TUBD1: variants seen among roughly 807,000 people sequenced by gnomAD.
TUBD1 encodes the protein tubulin delta chain.
A neutral mutation model predicts 51.2 loss-of-function variants in TUBD1; 38 were observed. The ratio of observed to expected loss-of-function variants is 0.74; its 90% CI spans 0.57 to 0.97. The LOEUF (loss-of-function observed/expected upper bound fraction) is 0.97, where lower values mean the gene tolerates loss of function less well. Ranked by LOEUF, TUBD1 falls within the 50% of genes least tolerant of loss-of-function variation. The pLI is 0.00. For synonymous variants in TUBD1, 169 were observed against 178.2 expected (o/e 0.95, Z 0.41); for missense variants, 489 against 538.4 (o/e 0.91, Z 0.91).
rs756379982 is a variant in TUBD1 at position 59,863,773 on chromosome 17, G to A, written c.1150C>T (p.Arg384Trp). 5 of 1,610,592 alleles carry A rather than the reference G, an allele frequency of 3.1e-6. No individual in the cohort carries two copies. The highest frequency in any genetic ancestry group is 1.1e-5 in the South Asian group (1 of 90,210). Reference protein sequence around the residue: ...VNAFNVWKTQRAFSKYEKSAV... With the variant: ...VNAFNVWKTQWAFSKYEKSAV... ...GACTTCTCATATTTGCTAAAGGCCC[G>A]CTGGGTTTTCCACACGTTGAAAGCA... The change falls in exon 8 of 9, where the codon CGG becomes TGG. Residue 384 changes from arginine to tryptophan, a missense_variant. Coordinates refer to ENST00000325752, the MANE Select transcript of TUBD1 (RefSeq NM_016261.4).
chr17:59,875,455 AAAGTT>A (rs1367422432), intron 5 of TUBD1, among the ~76,000 whole-genome samples: 1 of 152,000 alleles, frequency 6.6e-6, no homozygotes, highest in African/African-American at 2.4e-5. Flanking sequence ...TGTTAACATG[AAAGTT>A]AATATAAGCC....
intron 2 of TUBD1, among the ~76,000 whole-genome samples, chr17:59,889,294 G>A (rs1054134381): frequency 1.3e-5 from 2 of 151,206 alleles, no homozygotes; most frequent in African/African-American, 2.4e-5. Context: ...GATTATAGGC[G>A]TGAGCCACTG....
rs1175250972 is a variant in TUBD1 at position 59,881,369 on chromosome 17, G to A, written c.321-259C>T. Among the ~76,000 whole-genome samples the A allele has an allele frequency of 2.6e-5, 4 of 152,182 alleles. 1 individual carries two copies. Among genetic ancestry groups the A allele is most frequent in the Admixed American group, 1.3e-4 (2 of 15,256 alleles). On this transcript the variant is annotated intron_variant, in intron 3 of 8. Transcript: ENST00000325752. The stretch of plus-strand genomic sequence containing the variant: ...TTATATCCTATTGCTCAAGGTTATT[G>A]CTAAGGTCGGATTTTTCACTCATGC...
At chr17:59,881,575 T>C (rs1200170318) in intron 3 of TUBD1, among the ~76,000 whole-genome samples, 1 of 152,210 alleles carries the variant, frequency 6.6e-6, no homozygotes, top group East Asian at 1.9e-4. Flanking sequence ...TATTTGGATA[T>C]GTGTATACAT....
At chr17:59,871,204 A>G (rs958501430) in intron 6 of TUBD1, among the ~76,000 whole-genome samples, 6 of 152,238 alleles carry the variant, frequency 3.9e-5, no homozygotes, top group African/African-American at 1.4e-4. Flanking sequence ...TATGATATTT[A>G]TTTATTTTTG....
intron 7 of TUBD1, among the ~76,000 whole-genome samples, chr17:59,865,655 T>C (rs2039663638): frequency 6.6e-6 from 1 of 152,230 alleles, no homozygotes; most frequent in South Asian, 2.1e-4. Context: ...CAGATACCAC[T>C]GGTTGTCCAG....
At chr17:59,878,942 TTTC>T (rs1351012353) in intron 4 of TUBD1, among the ~76,000 whole-genome samples, 3 of 152,176 alleles carry the variant, frequency 2.0e-5, no homozygotes, top group Non-Finnish European at 2.9e-5. Context: ...ACCTGATTTG[TTTC>T]TTCAGCTAGG....
intron 8 of TUBD1, among the ~76,000 whole-genome samples, chr17:59,863,021 C>T (rs1424479911): frequency 1.3e-5 from 2 of 152,090 alleles, no homozygotes; most frequent in African/African-American, 4.8e-5. Context: ...CCACCATGCC[C>T]GGCTGATGTT....
At chr17:59,880,217 C>T (rs1397001060) in intron 4 of TUBD1, among the ~76,000 whole-genome samples, 1 of 151,976 alleles carries the variant, frequency 6.6e-6, no homozygotes, top group Non-Finnish European at 1.5e-5. Context: ...CGCCACCATG[C>T]CCAGCTAATT....
intron 3 of TUBD1, 140 bp downstream of exon 3, chr17:59,885,943 G>A: frequency 3.2e-6 from 3 of 927,042 alleles, no homozygotes; most frequent in Non-Finnish European, 3.2e-6. Flanking sequence ...GTTTCTTCTG[G>A]GTAAAATAAA....
chr17:59,885,024 G>T, intron 3 of TUBD1: 1 of 302,772 alleles, frequency 3.3e-6, no homozygotes, highest in South Asian at 3.2e-5. Flanking sequence ...GATGGCAGTG[G>T]CCAGGGCCAG....
intron 2 of TUBD1, among the ~76,000 whole-genome samples, chr17:59,890,190 G>C (rs757447071): frequency 2.0e-4 from 31 of 152,254 alleles, no homozygotes; most frequent in Non-Finnish European, 3.5e-4. Flanking sequence ...TTTTCTTAGA[G>C]CAGCTTCAAT....
At chr17:59,876,856 AC>A (rs148020977) in intron 5 of TUBD1, among the ~76,000 whole-genome samples, 6,385 of 145,102 alleles carry the variant, frequency 0.044, 475 homozygotes, top group African/African-American at 0.15. Context: ...AGCTACTCTT[AC>A]CTTAACCATT....
chr17:59,886,104 G>C lies in TUBD1; in HGVS notation c.299C>G (p.Ser100Cys). Residue 100 changes from serine (S) to cysteine (C), a missense_variant, in exon 3 of 9, where the codon TCT (serine) becomes TGT (cysteine). Coordinates refer to ENST00000325752, the MANE Select transcript of TUBD1 (RefSeq NM_016261.4). ...QHACFCQKQG[S>C]GNNWAYGYSV... ...TTACCCATATGCCCAGTTGTTTCCA[G>C]AACCTTGTTTTTGACAGAAGCATGC... 3 of 1,613,930 alleles carry C rather than the reference G, an allele frequency of 1.9e-6. No individual in the cohort carries two copies. The highest frequency in any genetic ancestry group is 2.5e-6 in the Non-Finnish European group (3 of 1,179,994).
intron 7 of TUBD1, among the ~76,000 whole-genome samples, chr17:59,864,151 T>C (rs904098766): frequency 1.3e-5 from 2 of 151,830 alleles, no homozygotes; most frequent in African/African-American, 4.9e-5. Flanking sequence ...GTGTGAATTA[T>C]TACTAATTTT....
At chr17:59,860,512 A>G in intron 8 of TUBD1, 88 bp from the exon 9 acceptor site, 1 of 782,076 alleles carries the variant, frequency 1.3e-6, no homozygotes, top group South Asian at 1.6e-5. Context: ...GACCTTTTCT[A>G]GCTGATGAAC....
chr17:59,862,441 T>TA, intron 8 of TUBD1, among the ~76,000 whole-genome samples: 1 of 152,304 alleles, frequency 6.6e-6, no homozygotes, highest in East Asian at 1.9e-4. Context: ...TAGTATGAAG[T>TA]AGACATTTCT....
chr17:59,877,768 ACT>A (rs1196171644), intron 5 of TUBD1, among the ~76,000 whole-genome samples: 24 of 123,710 alleles, frequency 1.9e-4, no homozygotes, highest in Admixed American at 5.0e-4. Context: ...ACAGAGTGAG[ACT>A]CTGTCTCAAA....
rs1450123987 is a variant in TUBD1 at position 59,878,287 on chromosome 17, G to C, written c.585C>G (p.Tyr195Ter). The C allele has an allele frequency of 6.2e-7, 1 of 1,614,056 alleles. No individual in the cohort carries two copies. The change falls in exon 5 of 9, where the codon TAC (tyrosine) becomes TAG (stop). Residue 195 changes from tyrosine (Y) to a stop codon, truncating the protein, a stop_gained. Coordinates refer to ENST00000325752, the MANE Select transcript of TUBD1 (RefSeq NM_016261.4). LOFTEE classifies it high-confidence loss of function. Reference sequence around the variant, plus strand: ...GAAGAAGGAGGGCGTCTGAAGATCGGTACAAGTGAGAAAGTGTCAAAATGG... The same window carrying C: ...GAAGAAGGAGGGCGTCTGAAGATCGCTACAAGTGAGAAAGTGTCAAAATGG... Reference protein sequence around the residue: ...YNSILTLSHLYRSSDALLLHE... With the variant: ...YNSILTLSHL
Sources: allele counts gnomAD v4.1 joint callset (sites outside exome capture counted in the v4.1 genomes callset), GRCh38; gene constraint gnomAD v4.1.1; transcripts MANE v1.5; gene names NCBI Gene and HGNC (gene_info 2026-07-23, HGNC 2026-07-21).